INCENP: variants seen among roughly 807,000 people sequenced by gnomAD.
INCENP encodes binds and activates aurora-B and -C in vivo and in vitro.
In INCENP, 43 loss-of-function variants were observed where a neutral mutation model predicts 107.3. The observed-to-expected ratio is 0.40, with a 90% CI of 0.31 to 0.52. The LOEUF (loss-of-function observed/expected upper bound fraction) is 0.52, where lower values mean the gene tolerates loss of function less well. Ranked by LOEUF, INCENP falls within the 20% of genes least tolerant of loss-of-function variation. The pLI is 0.53. For synonymous variants in INCENP, 488 were observed against 494.4 expected, an observed-to-expected ratio of 0.99 and a Z score of 0.17; for missense variants, 1,089 against 1,250.9, an observed-to-expected ratio of 0.87 and a Z score of 1.95.
rs1475264932 is a variant in INCENP at position 62,145,294 on chromosome 11, G to C, written c.1836+5G>C. ...ATCGACGAGAAGACTGAGAAGGTGG[G>C]AGCCTGGGCTGTGGAGGCCCAGGCA... On this transcript the variant is annotated splice_donor_5th_base_variant and intron_variant, in intron 13 of 18. Transcript: ENST00000394818. 3 of 1,613,832 alleles carry C rather than the reference G, an allele frequency of 1.9e-6. No individual in the cohort carries two copies. Among genetic ancestry groups the C allele is most frequent in the Non-Finnish European group, 2.5e-6 (3 of 1,180,036 alleles).
At chr11:62,136,271 G>A (rs933820231) in intron 4 of INCENP, among the ~76,000 whole-genome samples, 1 of 152,222 alleles carries the variant, frequency 6.6e-6, no homozygotes, top group Non-Finnish European at 1.5e-5. Context: ...GCAGCTGGCA[G>A]CTTAGAGACG....
intron 4 of INCENP, among the ~76,000 whole-genome samples, chr11:62,133,432 A>G (rs2134630278): frequency 6.6e-6 from 1 of 152,106 alleles, no homozygotes; most frequent in East Asian, 2.0e-4. Flanking sequence ...CCTGGTGCGC[A>G]CGTGCCTGCG....
intron 4 of INCENP, among the ~76,000 whole-genome samples, chr11:62,132,342 G>A (rs1943909645): frequency 6.6e-6 from 1 of 152,208 alleles, no homozygotes; most frequent in Non-Finnish European, 1.5e-5. Context: ...TTTGTGCAAG[G>A]CCGCAGGGCA....
chr11:62,133,593 C>T (rs1444260607), intron 4 of INCENP, among the ~76,000 whole-genome samples: 1 of 152,186 alleles, frequency 6.6e-6, no homozygotes, highest in Non-Finnish European at 1.5e-5. Flanking sequence ...ACCACCAGAC[C>T]AGCTCTGAGG....
In INCENP at chr11:62,153,166, A is replaced by G. The variant is rs1305808169; in HGVS notation, c.*1190A>G. 1 of 152,268 alleles carries G rather than the reference A, an allele frequency of 6.6e-6. No homozygotes were observed. The highest frequency in any genetic ancestry group is 1.5e-5 in the Non-Finnish European group (1 of 68,050). The allele number at this position is 152,268 out of a possible 1,614,324, so 9.4% of individuals were successfully genotyped here. On this transcript the variant is annotated 3_prime_UTR_variant, in exon 19 of 19. Transcript: ENST00000394818. ...AAGCCTAAATCCAAGAACACTTTTA[A>G]AAATGAGGAAATAGTGAACACAATA... is the stretch of plus-strand genomic sequence containing the variant.
chr11:62,134,829 A>G (rs1943958277), intron 4 of INCENP, among the ~76,000 whole-genome samples: 2 of 152,232 alleles, frequency 1.3e-5, no homozygotes, highest in African/African-American at 2.4e-5. Flanking sequence ...AGGTGGGCAG[A>G]TCATGAGGTT....
Position 62,130,234 on chromosome 11 carries a change from T to C in INCENP, c.707T>C (p.Leu236Pro), listed in dbSNP as rs1943856349. The change falls in exon 4 of 19, where the codon CTG becomes CCG. Residue 236 changes from leucine (L) to proline (P), a missense_variant. Physicochemically the swap from Leu to Pro is moderately conservative, Grantham distance 98. Transcript: ENST00000394818. ...CTGGAGTCCATCACAGTGAGCTCCC[T>C]GATGGCTACACCCCAGGACCCCAAG... ...RILESITVSS[L>P]MATPQDPKGQ... The C allele has an allele frequency of 6.2e-7, 1 of 1,613,688 alleles. No homozygotes were observed. The highest frequency in any genetic ancestry group is 1.3e-5 in the African/African-American group (1 of 74,934).
In INCENP at chr11:62,141,494, C is replaced by G. The variant is rs1301723435; in HGVS notation, c.1594-6C>G. Reference sequence around the variant, plus strand: ...ACTCTTGCCTTTTCCCTTGTCTCCTCCACAGTGCAGCTTCGTCGTAAGTAA... The same window carrying G: ...ACTCTTGCCTTTTCCCTTGTCTCCTGCACAGTGCAGCTTCGTCGTAAGTAA... On this transcript the variant is annotated splice_polypyrimidine_tract_variant and splice_region_variant and intron_variant, in intron 10 of 18. Coordinates refer to ENST00000394818, the MANE Select transcript of INCENP (RefSeq NM_001040694.2). The G allele has an allele frequency of 5.6e-6, 9 of 1,614,012 alleles. No individual in the cohort carries two copies. Among genetic ancestry groups the G allele is most frequent in the Non-Finnish European group, 7.6e-6 (9 of 1,179,878 alleles).
At position 62,130,434 on chromosome 11, in the gene INCENP, G is replaced by C; in HGVS notation, c.907G>C (p.Val303Leu). 1 of 1,613,956 alleles carries C rather than the reference G, an allele frequency of 6.2e-7. No homozygotes were observed. The highest frequency in any genetic ancestry group is 8.5e-7 in the Non-Finnish European group (1 of 1,180,038). The change falls in exon 4 of 19, where the codon GTG becomes CTG. Residue 303 changes from valine (V) to leucine (L), a missense_variant. Val to Leu is a conservative substitution (Grantham distance 32, BLOSUM62 1). Coordinates refer to ENST00000394818, the MANE Select transcript of INCENP (RefSeq NM_001040694.2). ...GGGCTCTCGCACGGACTCTCAATCG[G>C]TGCGGCACAGCCCGATCGCCCCGTC... ...PTGSRTDSQS[V>L]RHSPIAPSSP...
At chr11:62,127,846 A>G (rs1194343272) in intron 1 of INCENP, among the ~76,000 whole-genome samples, 2 of 151,920 alleles carry the variant, frequency 1.3e-5, no homozygotes, top group African/African-American at 4.8e-5. Flanking sequence ...TATAAGGAGG[A>G]CTGTCAATGT....
chr11:62,140,877 C>T (rs766585201), intron 9 of INCENP, 36 bp from the exon 10 acceptor site: 26 of 1,613,678 alleles, frequency 1.6e-5, no homozygotes, highest in South Asian at 1.1e-4. Flanking sequence ...TACCCTGCCC[C>T]GCCTGCCCAC....
In INCENP at chr11:62,150,112, A is replaced by G. The variant is rs201934305; in HGVS notation, c.2447A>G (p.Lys816Arg). The change falls in exon 18 of 19, where the codon AAG (lysine) becomes AGG (arginine). Residue 816 changes from lysine to arginine, a missense_variant. Physicochemically the swap from Lys to Arg is conservative, Grantham distance 26. Transcript: ENST00000394818. ...CCGCAAGGGCACAGGGCCCCTCCCAAGATCAACCCAGATAACTACGGGATG... is the reference window on the plus strand; with the variant it reads ...CCGCAAGGGCACAGGGCCCCTCCCAGGATCAACCCAGATAACTACGGGATG... ...MTPQGHRAPPKINPDNYGMDL... is the reference protein window; with the variant it reads ...MTPQGHRAPPRINPDNYGMDL... 6 of 1,613,940 alleles carry G rather than the reference A, an allele frequency of 3.7e-6. No homozygotes were observed. The highest frequency in any genetic ancestry group is 2.7e-5 in the African/African-American group (2 of 74,902).
Position 62,130,013 on chromosome 11 carries a change from G to T in INCENP, c.486G>T (p.Gln162His). ...LTKKPEDNHT[Q>H]CQLVPVVEIG... Reference sequence around the variant, plus strand: ...AGAAGCCCGAGGATAACCACACCCAGTGCCAGCTGGTGCCTGTGGTGGAGA... The same window carrying T: ...AGAAGCCCGAGGATAACCACACCCATTGCCAGCTGGTGCCTGTGGTGGAGA... The change falls in exon 4 of 19, where the codon CAG becomes CAT. Residue 162 changes from glutamine (Q) to histidine (H), a missense_variant. Coordinates refer to ENST00000394818, the MANE Select transcript of INCENP (RefSeq NM_001040694.2). 6.2e-7 allele frequency: 1 copy of T among 1,614,072 alleles called. No individual in the cohort carries two copies. The highest frequency in any genetic ancestry group is 2.2e-5 in the East Asian group (1 of 44,874).
Position 62,150,676 on chromosome 11 carries a change from G to A in INCENP, c.2542+469G>A, listed in dbSNP as rs530737700. On this transcript the variant is annotated intron_variant, in intron 18 of 18. Coordinates refer to ENST00000394818, the MANE Select transcript of INCENP (RefSeq NM_001040694.2). ...AGGAAAGTCCTTGAGGAGTGCATGA[G>A]GCACTTGAGCAGGATCTGACCTGGA... Among the ~76,000 whole-genome samples the A allele has an allele frequency of 7.2e-5, 11 of 152,304 alleles. 1 individual carries two copies. The South Asian group carries it at 2.3e-3, about 32-fold the overall frequency.
intron 1 of INCENP, among the ~76,000 whole-genome samples, chr11:62,125,719 G>A (rs543892082): frequency 1.3e-5 from 2 of 152,354 alleles, no homozygotes; most frequent in Admixed American, 6.5e-5. Context: ...TTATTTCTAG[G>A]TGTAGAGTTG....
intron 4 of INCENP, among the ~76,000 whole-genome samples, chr11:62,131,239 G>A (rs1943887321): frequency 6.6e-6 from 1 of 152,210 alleles, no homozygotes; most frequent in African/African-American, 2.4e-5. Context: ...GCAGCCTGGG[G>A]CAGGTCCTGG....
Position 62,140,957 on chromosome 11 carries a change from C to G in INCENP, c.1506C>G (p.Asn502Lys). 1 of 1,614,230 alleles carries G rather than the reference C, an allele frequency of 6.2e-7. No individual in the cohort carries two copies. Among genetic ancestry groups the G allele is most frequent in the Non-Finnish European group, 8.5e-7 (1 of 1,180,048 alleles). Residue 502 changes from asparagine to lysine, a missense_variant, in exon 10 of 19, where the codon AAC becomes AAG. Asn to Lys is a moderately conservative substitution (Grantham distance 94). Transcript: ENST00000394818. ...LRTFLHTVQRNQMLMTPTSAP... is the reference protein window; with the variant it reads ...LRTFLHTVQRKQMLMTPTSAP... ...CCTTTCTGCACACAGTGCAGAGGAA[C>G]CAGATGCTCATGACCCCGACCTCAG...
intron 11 of INCENP, among the ~76,000 whole-genome samples, chr11:62,142,082 G>A (rs938978980): frequency 3.9e-5 from 6 of 152,158 alleles, no homozygotes; most frequent in African/African-American, 7.2e-5. Flanking sequence ...GAGCTGAGCC[G>A]AGCCAGGCAG....
rs112218336 is a variant in INCENP, at chr11:62,129,932, C to T, written c.405C>T (p.Thr135=). The T allele has an allele frequency of 0.011, 18,112 of 1,614,044 alleles. 142 individuals are homozygous for T. Among genetic ancestry groups the T allele is most frequent in the Non-Finnish European group, 0.013 (15,703 of 1,180,028 alleles). ...TRAAAAAAAA[T]MALAAPSSPT... is the part of the protein sequence containing the mutation. ...CTGCGGCTGCAGCTGCCGCGGCTAC[C>T]ATGGCATTGGCTGCACCTTCTTCAC... is the stretch of plus-strand genomic sequence containing the variant. Residue 135 remains threonine (T), a synonymous_variant, in exon 4 of 19, where the codon ACC becomes ACT. Coordinates refer to ENST00000394818, the MANE Select transcript of INCENP (RefSeq NM_001040694.2).
Sources: gnomAD v4.1 joint callset for allele counts (sites outside exome capture counted in the v4.1 genomes callset) on GRCh38, gnomAD v4.1.1 for gene constraint, MANE v1.5 for transcripts, NCBI Gene and HGNC (gene_info 2026-07-23, HGNC 2026-07-21) for gene names.